The following ULK4 variants were observed in gnomAD, a reference collection of about 807,000 sequenced individuals.
The protein encoded by ULK4 is inactive serine/threonine-protein kinase ULK4.
ULK4 carries 133 observed loss-of-function variants against 160.6 expected under a neutral mutation model. That is an observed-to-expected ratio of 0.83 (90% confidence interval 0.72 to 0.96). ULK4 has a LOEUF of 0.96. Among genes scored for constraint, ULK4 ranks in the 40% least tolerant of loss-of-function variants. ULK4 has a pLI of 0.00. For synonymous variants in ULK4, 534 were observed against 539.8 expected, an observed-to-expected ratio of 0.99 and a Z score of 0.15; for missense variants, 1,580 against 1,499.5, an observed-to-expected ratio of 1.05 and a Z score of -0.89.
In ULK4 at chr3:41,919,810, C is replaced by T. The variant is rs748731749; in HGVS notation, c.550G>A (p.Val184Ile). Residue 184 changes from valine (V) to isoleucine (I), a missense_variant, in exon 6 of 37, where the codon GTA becomes ATA. Coordinates refer to ENST00000301831, the MANE Select transcript of ULK4 (RefSeq NM_017886.4). ...SMKSRVKGSP[V>I]YTAPEVVRGA... ...CTCACAACTTCTGGTGCTGTATATACAGGAGATCCTAAAAGCAAAGTATGA... is the reference window on the plus strand; with the variant it reads ...CTCACAACTTCTGGTGCTGTATATATAGGAGATCCTAAAAGCAAAGTATGA... 61 of 1,610,630 alleles carry T rather than the reference C, an allele frequency of 3.8e-5. No individual in the cohort carries two copies. Among genetic ancestry groups the T allele is most frequent in the Non-Finnish European group, 4.8e-5 (57 of 1,177,660 alleles).
intron 32 of ULK4, among the ~76,000 whole-genome samples, chr3:41,556,077 C>T (rs531050861): frequency 2.0e-5 from 3 of 152,110 alleles, no homozygotes; most frequent in Non-Finnish European, 2.9e-5. Context: ...CTAATGAGTA[C>T]TAGGCTTAAT....
At chr3:41,555,540 T>C (rs2700452) in intron 32 of ULK4, among the ~76,000 whole-genome samples, 63,711 of 152,002 alleles carry the variant, frequency 0.42, 13,490 homozygotes, top group Middle Eastern at 0.49. Context: ...AGCAAGGTTG[T>C]GGAGAAAAAG....
chr3:41,580,723 G>A (rs1439918656), intron 31 of ULK4, among the ~76,000 whole-genome samples: 1 of 152,108 alleles, frequency 6.6e-6, no homozygotes, highest in Non-Finnish European at 1.5e-5. Flanking sequence ...TGCACAGCTG[G>A]GAGCCCGACC....
intron 30 of ULK4, among the ~76,000 whole-genome samples, chr3:41,660,758 C>T (rs2035125313): frequency 6.6e-6 from 1 of 152,086 alleles, no homozygotes; most frequent in African/African-American, 2.4e-5. Flanking sequence ...CGCTGTTTTT[C>T]AAGAAAAGCC....
At chr3:41,470,030 A>AC (rs1234747767) in intron 32 of ULK4, among the ~76,000 whole-genome samples, 3 of 144,624 alleles carry the variant, frequency 2.1e-5, no homozygotes, top group Non-Finnish European at 4.6e-5. Context: ...AAAAAAAAAA[A>AC]AAAAAAAAAA....
At chr3:41,865,842 AAC>A (rs561062596) in intron 17 of ULK4, among the ~76,000 whole-genome samples, 49 of 152,326 alleles carry the variant, frequency 3.2e-4, no homozygotes, top group Non-Finnish European at 6.8e-4. Flanking sequence ...AAATTTTAGA[AAC>A]ACACACGAGA....
intron 32 of ULK4, among the ~76,000 whole-genome samples, chr3:41,542,146 T>C (rs557799145): frequency 6.6e-6 from 1 of 152,304 alleles, no homozygotes; most frequent in South Asian, 2.1e-4. Flanking sequence ...TGATATTGGC[T>C]GTGGGTTTGT....
chr3:41,247,465 G>A (rs1484128006), intron 36 of ULK4, among the ~76,000 whole-genome samples: 1 of 152,162 alleles, frequency 6.6e-6, no homozygotes, highest in East Asian at 1.9e-4. Context: ...TTTTTTACTG[G>A]AGCAAATTGT....
At chr3:41,444,786 T>C (rs547167855) in intron 34 of ULK4, among the ~76,000 whole-genome samples, 2 of 152,170 alleles carry the variant, frequency 1.3e-5, no homozygotes, top group Non-Finnish European at 2.9e-5. Context: ...GAGATCAACC[T>C]GGCCAGTATG....
chr3:41,526,357 T>C (rs1260129930), intron 32 of ULK4, among the ~76,000 whole-genome samples: 1 of 152,148 alleles, frequency 6.6e-6, no homozygotes, highest in East Asian at 1.9e-4. Flanking sequence ...TAGAATGAGA[T>C]GGGGCCTCCA....
In ULK4 at chr3:41,775,067, G is replaced by A. The variant is rs996395742; in HGVS notation, c.2193+14594C>T. Among the ~76,000 whole-genome samples, 13 of 139,588 alleles carry A rather than the reference G, an allele frequency of 9.3e-5. No homozygotes were observed. The East Asian group carries it at 2.1e-3, about 23-fold the overall frequency. 91.6% of individuals were successfully genotyped at this position (139,588 alleles called of 152,430 possible). On this transcript the variant is annotated intron_variant, in intron 21 of 36. Coordinates refer to ENST00000301831, the MANE Select transcript of ULK4 (RefSeq NM_017886.4). ...AAGGGGAACATCACATACCAGGGAC[G>A]TTGTGAGGTGGAGGGAGGGGGGAGG...
At chr3:41,317,516 T>C (rs1379784502) in intron 35 of ULK4, among the ~76,000 whole-genome samples, 1 of 152,202 alleles carries the variant, frequency 6.6e-6, no homozygotes, top group Non-Finnish European at 1.5e-5. Context: ...TGATTATTGA[T>C]AATGATAAAT....
At chr3:41,420,721 G>A (rs2082644653) in intron 34 of ULK4, among the ~76,000 whole-genome samples, 1 of 150,888 alleles carries the variant, frequency 6.6e-6, no homozygotes. Flanking sequence ...CCAACCTCAG[G>A]TGATCCGCCT....
At chr3:41,279,876 T>C (rs1575389041) in intron 35 of ULK4, among the ~76,000 whole-genome samples, 1 of 152,254 alleles carries the variant, frequency 6.6e-6, no homozygotes, top group East Asian at 1.9e-4. Flanking sequence ...GACCCATCAG[T>C]GTGCTGTATT....
intron 31 of ULK4, among the ~76,000 whole-genome samples, chr3:41,583,046 T>C (rs975111735): frequency 1.3e-5 from 2 of 152,212 alleles, no homozygotes; most frequent in African/African-American, 4.8e-5. Context: ...TATGAAATTC[T>C]GAATGTGAGA....
At chr3:41,590,527 T>C (rs1173123533) in intron 31 of ULK4, among the ~76,000 whole-genome samples, 3 of 147,648 alleles carry the variant, frequency 2.0e-5, no homozygotes, top group Admixed American at 6.7e-5. Flanking sequence ...TTCCAGCAAC[T>C]TGGGTGGCTG....
chr3:41,705,035 T>C (rs368537017), intron 27 of ULK4, 22 bp downstream of exon 27: 272 of 1,577,852 alleles, frequency 1.7e-4, no homozygotes, highest in Non-Finnish European at 2.2e-4. Flanking sequence ...AGGAGCTTTT[T>C]TCAAAAGCTG....
At chr3:41,641,132 T>C (rs943923098) in intron 30 of ULK4, among the ~76,000 whole-genome samples, 5 of 152,184 alleles carry the variant, frequency 3.3e-5, no homozygotes, top group Non-Finnish European at 5.9e-5. Flanking sequence ...AGTTGATGTG[T>C]TGCCTGAGAG....
chr3:41,883,481 T>C (rs1387673069), intron 17 of ULK4, among the ~76,000 whole-genome samples: 1 of 152,232 alleles, frequency 6.6e-6, no homozygotes, highest in Non-Finnish European at 1.5e-5. Flanking sequence ...AAGTAATCTT[T>C]CATACGAAAA....
Sources: gnomAD v4.1 joint callset for allele counts (sites outside exome capture counted in the v4.1 genomes callset) on GRCh38, gnomAD v4.1.1 for gene constraint, MANE v1.5 for transcripts, NCBI Gene and HGNC (gene_info 2026-07-23, HGNC 2026-07-21) for gene names.